The following CHRM2 variants were observed in gnomAD, a reference collection of about 807,000 sequenced individuals.
The protein encoded by CHRM2 is cholinergic receptor muscarinic 2.
A neutral mutation model predicts 25.0 loss-of-function variants in CHRM2; 8 were observed. The ratio of observed to expected loss-of-function variants is 0.32; its 90% CI spans 0.19 to 0.58. The LOEUF is 0.58. Among genes scored for constraint, CHRM2 ranks in the 20% least tolerant of loss-of-function variants. The pLI, the probability that CHRM2 is intolerant of heterozygous loss-of-function variation, is 0.88. For synonymous variants in CHRM2, 202 were observed against 205.7 expected, an observed-to-expected ratio of 0.98 and a Z score of 0.15; for missense variants, 440 against 567.1, an observed-to-expected ratio of 0.78 and a Z score of 2.28.
intron 2 of CHRM2, among the ~76,000 whole-genome samples, chr7:136,951,782 G>T (rs1425150365): frequency 6.6e-6 from 1 of 152,160 alleles, no homozygotes; most frequent in African/African-American, 2.4e-5. Flanking sequence ...ATGGTATGGT[G>T]AATTGACTAG....
chr7:136,955,178 C>A (rs577087323), intron 2 of CHRM2, among the ~76,000 whole-genome samples: 1 of 152,266 alleles, frequency 6.6e-6, no homozygotes, highest in East Asian at 1.9e-4. Context: ...ACCTCTCCTC[C>A]TTCTTTCTCA....
At chr7:136,938,594 C>G (rs1421487547) in intron 2 of CHRM2, 19 of 882,406 alleles carry the variant, frequency 2.2e-5, no homozygotes, top group East Asian at 1.4e-4. Context: ...CAGGCCACCC[C>G]GAAAGCTGCT....
chr7:136,878,962 C>A (rs1268543456), intron 2 of CHRM2, among the ~76,000 whole-genome samples: 2 of 151,868 alleles, frequency 1.3e-5, no homozygotes, highest in African/African-American at 4.8e-5. Context: ...AGAAGCAAGT[C>A]TCACTTCTAG....
chr7:136,958,541 T>G (rs2130882486), intron 2 of CHRM2, among the ~76,000 whole-genome samples: 1 of 145,036 alleles, frequency 6.9e-6, no homozygotes, highest in East Asian at 2.2e-4. Flanking sequence ...CTGCCACCTC[T>G]ACCTCCCGGG....
chr7:136,938,313 C>T, intron 2 of CHRM2: 9 of 1,333,122 alleles, frequency 6.8e-6, no homozygotes, highest in Non-Finnish European at 9.6e-6. Flanking sequence ...AGCTCTCGAA[C>T]ATGTTGTCCA....
At chr7:136,970,697 G>GA (rs35141437) in intron 2 of CHRM2, among the ~76,000 whole-genome samples, 5 of 38,820 alleles carry the variant, frequency 1.3e-4, no homozygotes, top group African/African-American at 2.1e-4. Context: ...TAATACTTCT[G>GA]AAAAAAAAGT....
chr7:136,984,502 T>G (rs915373038), intron 2 of CHRM2, among the ~76,000 whole-genome samples: 1 of 151,930 alleles, frequency 6.6e-6, no homozygotes, highest in Non-Finnish European at 1.5e-5. Context: ...AAAAAAAACT[T>G]CTGCAACTAG....
intron 3 of CHRM2, among the ~76,000 whole-genome samples, chr7:137,011,484 A>G (rs1345849962): frequency 6.6e-6 from 1 of 151,848 alleles, no homozygotes; most frequent in Non-Finnish European, 1.5e-5. Context: ...AGAAAAGTCT[A>G]TCACAGTTTC....
At chr7:136,910,800 A>AGTGT (rs71533718) in intron 2 of CHRM2, among the ~76,000 whole-genome samples, 2,156 of 145,694 alleles carry the variant, frequency 0.015, 22 homozygotes, top group African/African-American at 0.028. Context: ...TTTAAAATTA[A>AGTGT]GTGTGTGTGT....
intron 2 of CHRM2, among the ~76,000 whole-genome samples, chr7:136,961,567 A>T (rs1478347719): frequency 6.6e-6 from 1 of 152,032 alleles, no homozygotes; most frequent in Non-Finnish European, 1.5e-5. Context: ...AAAATTTCTA[A>T]TTTTTTTTCA....
At chr7:136,967,954 C>T (rs953964247) in intron 2 of CHRM2, among the ~76,000 whole-genome samples, 1 of 151,818 alleles carries the variant, frequency 6.6e-6, no homozygotes, top group Non-Finnish European at 1.5e-5. Flanking sequence ...ATTCACACTT[C>T]ATACACAAAA....
At chr7:136,923,261 CTT>C (rs5887816) in intron 2 of CHRM2, among the ~76,000 whole-genome samples, 11,239 of 139,326 alleles carry the variant, frequency 0.081, 552 homozygotes, top group African/African-American at 0.15. Flanking sequence ...TACTTATTAG[CTT>C]TTTTTTTTTT....
intron 2 of CHRM2, among the ~76,000 whole-genome samples, chr7:136,972,057 A>G (rs1391051745): frequency 1.3e-5 from 2 of 151,744 alleles, no homozygotes; most frequent in African/African-American, 4.8e-5. Flanking sequence ...GATTGATCTG[A>G]TATTTGGACA....
chr7:136,987,410 C>A (rs868487825), intron 2 of CHRM2, among the ~76,000 whole-genome samples: 8 of 152,336 alleles, frequency 5.3e-5, no homozygotes, highest in South Asian at 2.1e-4. Flanking sequence ...ACTCTGAAAC[C>A]ATGAACATCC....
intron 2 of CHRM2, chr7:136,903,272 T>C (rs571430439): frequency 1.9e-6 from 1 of 533,020 alleles, no homozygotes; most frequent in South Asian, 1.4e-5. Context: ...TGTTGAGCTG[T>C]TCACAAGCAG....
At chr7:136,933,654 A>C (rs1322294380) in intron 2 of CHRM2, among the ~76,000 whole-genome samples, 1 of 152,238 alleles carries the variant, frequency 6.6e-6, no homozygotes, top group Admixed American at 6.5e-5. Flanking sequence ...ATAATCAAAA[A>C]GTGGAAATAA....
At chr7:136,908,942 C>A (rs1293677332) in intron 2 of CHRM2, among the ~76,000 whole-genome samples, 1 of 151,886 alleles carries the variant, frequency 6.6e-6, no homozygotes, top group Non-Finnish European at 1.5e-5. Flanking sequence ...TAGTCAATCA[C>A]TAATATTGGC....
At chr7:136,997,499 T>C (rs1241210249) in intron 3 of CHRM2, among the ~76,000 whole-genome samples, 2 of 152,202 alleles carry the variant, frequency 1.3e-5, no homozygotes, top group Non-Finnish European at 2.9e-5. Flanking sequence ...ATTTTTACTT[T>C]TTAATGTCCA....
chr7:136,951,784 A>C (rs1159226124), intron 2 of CHRM2, among the ~76,000 whole-genome samples: 1 of 152,156 alleles, frequency 6.6e-6, no homozygotes, highest in Non-Finnish European at 1.5e-5. Context: ...GGTATGGTGA[A>C]TTGACTAGTG....
Sources: gnomAD v4.1 joint callset for allele counts (sites outside exome capture counted in the v4.1 genomes callset) on GRCh38, gnomAD v4.1.1 for gene constraint, MANE v1.5 for transcripts, NCBI Gene and HGNC (gene_info 2026-07-23, HGNC 2026-07-21) for gene names.